Variants in ARFGEF2 observed in about 807,000 individuals in gnomAD.
The protein encoded by ARFGEF2 is ARF guanine nucleotide exchange factor 2.
ARFGEF2 carries 74 observed loss-of-function variants against 219.9 expected under a neutral mutation model. That is an observed-to-expected ratio of 0.34 (90% confidence interval 0.28 to 0.41). The LOEUF is 0.41. ARFGEF2 is among the 10% of genes least tolerant of loss of function. The pLI is 1.00. For synonymous variants in ARFGEF2, 733 were observed against 799.2 expected, an observed-to-expected ratio of 0.92 and a Z score of 1.40; for missense variants, 1,743 against 2,218.3, an observed-to-expected ratio of 0.79 and a Z score of 4.30.
chr20:48,936,968 G>GAA (rs887916084), intron 1 of ARFGEF2, among the ~76,000 whole-genome samples: 1 of 147,818 alleles, frequency 6.8e-6, no homozygotes, highest in Admixed American at 6.7e-5. Flanking sequence ...TCTTTTAATG[G>GAA]AAAAAAAAAA....
Position 48,924,237 on chromosome 20 carries a change from C to T in ARFGEF2, c.121+2227C>T, listed in dbSNP as rs529113167. 3.3e-5 allele frequency among the ~76,000 whole-genome samples: 5 copies of T among 152,224 alleles called. No homozygotes were observed. In the South Asian group the frequency reaches 8.3e-4, roughly 25 times the overall value. ...AAGAAGAGAAATTTGGGGCCAGGTG[C>T]GGTGGCTCACGCCTGTAATCCCAGC... On this transcript the variant is annotated intron_variant, in intron 1 of 38. Transcript: ENST00000371917.
rs1484627377 is a variant in ARFGEF2, at chr20:48,989,422, C to T, written c.2671C>T (p.Arg891Trp). 2 of 1,614,240 alleles carry T rather than the reference C, an allele frequency of 1.2e-6. No homozygotes were observed. The highest frequency in any genetic ancestry group is 8.5e-7 in the Non-Finnish European group (1 of 1,180,046). ...CAGTGCCACTCACCTGGACCATGTC[C>T]GGCCAATGTTCAAAGTGAGTATCCT... ...FTSATHLDHVRPMFKLVWTPL... is the reference protein window; with the variant it reads ...FTSATHLDHVWPMFKLVWTPL... The change falls in exon 19 of 39, where the codon CGG becomes TGG. Residue 891 changes from arginine (R) to tryptophan (W), a missense_variant. By Grantham distance (101) the Arg-to-Trp change is moderately radical (BLOSUM62 -3). This residue lies in a region of ARFGEF2 where 666 missense variants were observed against 955.4 expected (regional missense o/e 0.70). Transcript: ENST00000371917.
intron 33 of ARFGEF2, 40 bp downstream of exon 33, chr20:49,017,590 T>A (rs1334651036): frequency 2.5e-6 from 4 of 1,607,226 alleles, no homozygotes; most frequent in Non-Finnish European, 2.6e-6. Flanking sequence ...TTTTCTTTTT[T>A]CTATCTTAGT....
chr20:49,004,527 C>T (rs559533884), intron 25 of ARFGEF2, among the ~76,000 whole-genome samples: 11 of 151,862 alleles, frequency 7.2e-5, no homozygotes, highest in South Asian at 2.1e-4. Flanking sequence ...ATAGGTTGGG[C>T]GCGGTGGCTC....
At chr20:48,956,471 G>A (rs962482423) in intron 6 of ARFGEF2, among the ~76,000 whole-genome samples, 3 of 152,100 alleles carry the variant, frequency 2.0e-5, no homozygotes, top group African/African-American at 7.2e-5. Flanking sequence ...TTTGTTTTTA[G>A]GATTCTGACT....
At chr20:48,952,148 C>CTTTTTTTTTTTTTTTTTTTTTTTTTTT (rs11475141) in intron 4 of ARFGEF2, among the ~76,000 whole-genome samples, 1 of 55,450 alleles carries the variant, frequency 1.8e-5, no homozygotes, top group Admixed American at 3.0e-4. Context: ...GAAGTTTGGC[C>CTTTTTTTTTTTTTTTTTTTTTTTTTTT]TTTTTTTTTT....
At chr20:49,019,326 C>T (rs941328054) in intron 34 of ARFGEF2, among the ~76,000 whole-genome samples, 1 of 152,132 alleles carries the variant, frequency 6.6e-6, no homozygotes, top group African/African-American at 2.4e-5. Flanking sequence ...TATGAATTTT[C>T]TCCTTTTACC....
intron 1 of ARFGEF2, among the ~76,000 whole-genome samples, chr20:48,938,804 C>T (rs1172839334): frequency 6.6e-6 from 1 of 152,134 alleles, no homozygotes; most frequent in East Asian, 1.9e-4. Flanking sequence ...AGATTCCAGT[C>T]AGCTGGAGCT....
chr20:48,923,501 A>G (rs1024968713), intron 1 of ARFGEF2, among the ~76,000 whole-genome samples: 7 of 152,192 alleles, frequency 4.6e-5, no homozygotes, highest in African/African-American at 1.7e-4. Context: ...AACAGTTGCT[A>G]GTCCGTGAAA....
At chr20:49,016,567 A>AG (rs1491064952) in intron 31 of ARFGEF2, 152 bp downstream of exon 31, 2 of 887,152 alleles carry the variant, frequency 2.3e-6, no homozygotes, top group African/African-American at 3.4e-5. Flanking sequence ...AGTATAAAAA[A>AG]CAGTGCCCCC....
chr20:48,990,415 CA>C (rs2123463799), intron 20 of ARFGEF2, among the ~76,000 whole-genome samples: 1 of 152,260 alleles, frequency 6.6e-6, no homozygotes, highest in East Asian at 1.9e-4. Flanking sequence ...AAAGTTCAAG[CA>C]AATAAATGAA....
chr20:49,028,389 C>T, intron 36 of ARFGEF2, 141 bp from the exon 37 acceptor site: 1 of 926,518 alleles, frequency 1.1e-6, no homozygotes, highest in Non-Finnish European at 1.7e-6. Flanking sequence ...CACTGCACTC[C>T]AGCTTAGGTG....
intron 26 of ARFGEF2, among the ~76,000 whole-genome samples, chr20:49,009,757 CA>C (rs2091484750): frequency 6.6e-6 from 1 of 152,016 alleles, no homozygotes. Context: ...TATCCCTACC[CA>C]AAAATCTTAA....
At chr20:48,998,289 A>G in intron 24 of ARFGEF2, 47 bp from the exon 25 acceptor site, 1 of 1,614,136 alleles carries the variant, frequency 6.2e-7, no homozygotes, top group Non-Finnish European at 8.5e-7. Context: ...TGACCGTCTG[A>G]CTGTTCCTAA....
intron 21 of ARFGEF2, 22 bp from the exon 22 acceptor site, chr20:48,994,429 C>A (rs776772721): frequency 6.2e-7 from 1 of 1,613,592 alleles, no homozygotes; most frequent in Non-Finnish European, 8.5e-7. Flanking sequence ...GAACTCATTT[C>A]TTCATGCCTT....
chr20:48,944,503 G>T (rs2091013874), intron 3 of ARFGEF2, among the ~76,000 whole-genome samples: 1 of 152,190 alleles, frequency 6.6e-6, no homozygotes, highest in African/African-American at 2.4e-5. Flanking sequence ...AAGGTAGGCT[G>T]CAGTGCAGTG....
intron 25 of ARFGEF2, among the ~76,000 whole-genome samples, chr20:49,004,099 T>G (rs1196766942): frequency 6.6e-6 from 1 of 152,168 alleles, no homozygotes; most frequent in Admixed American, 6.5e-5. Flanking sequence ...GCGTGGTGGC[T>G]TACTCCTGTA....
intron 3 of ARFGEF2, among the ~76,000 whole-genome samples, chr20:48,943,451 A>G (rs772426900): frequency 5.9e-5 from 9 of 152,230 alleles, no homozygotes; most frequent in Admixed American, 2.0e-4. Context: ...GTCCAGTAAT[A>G]TACAGGTAGT....
Position 48,991,187 on chromosome 20 carries a change from T to A in ARFGEF2, c.2962T>A (p.Ser988Thr). 1.2e-6 allele frequency: 2 copies of A among 1,614,230 alleles called. No individual in the cohort carries two copies. Among genetic ancestry groups the A allele is most frequent in the Non-Finnish European group, 1.7e-6 (2 of 1,180,042 alleles). The change falls in exon 21 of 39, where the codon TCC becomes ACC. Residue 988 changes from serine (S) to threonine (T), a missense_variant. This residue lies in a region of ARFGEF2 where 666 missense variants were observed against 955.4 expected (regional missense o/e 0.70). Transcript: ENST00000371917. ...AHTDGNYLGN[S>T]WHEILKCISQ... ...CACCGATGGCAACTACCTTGGGAAT[T>A]CCTGGCATGAGGTACGTGTCTCTTT...
Sources: allele counts gnomAD v4.1 joint callset (sites outside exome capture counted in the v4.1 genomes callset), GRCh38; gene constraint gnomAD v4.1.1; regional missense constraint gnomAD v4.1.1; transcripts MANE v1.5; gene names NCBI Gene and HGNC (gene_info 2026-07-23, HGNC 2026-07-21).